Variants in NLGN1 observed in about 807,000 individuals in gnomAD.
The protein encoded by NLGN1 is neuroligin 1.
In NLGN1, 12 loss-of-function variants were observed where a neutral mutation model predicts 65.5. That is an observed-to-expected ratio of 0.18 (90% CI 0.12 to 0.30). NLGN1 has a LOEUF of 0.30. NLGN1 is among the 10% of genes least tolerant of loss of function. The pLI, the probability that NLGN1 is intolerant of heterozygous loss-of-function variation, is 1.00. For missense variants in NLGN1, 750 were observed against 1,007.1 expected, an observed-to-expected ratio of 0.74 and a Z score of 3.46; for synonymous variants, 350 against 359.5, an observed-to-expected ratio of 0.97 and a Z score of 0.30.
At chr3:173,556,921 A>G (rs1291773309) in intron 2 of NLGN1, among the ~76,000 whole-genome samples, 1 of 152,194 alleles carries the variant, frequency 6.6e-6, no homozygotes, top group Non-Finnish European at 1.5e-5. Flanking sequence ...AGATTATGGT[A>G]TATCTTGATA....
chr3:174,272,722 A>AAGAT (rs551020656), intron 4 of NLGN1, among the ~76,000 whole-genome samples: 3 of 148,672 alleles, frequency 2.0e-5, no homozygotes, highest in African/African-American at 4.9e-5. Context: ...GATAGATAGA[A>AAGAT]AGATAGATAG....
At chr3:174,076,220 T>A (rs1013439722) in intron 4 of NLGN1, among the ~76,000 whole-genome samples, 2 of 152,108 alleles carry the variant, frequency 1.3e-5, no homozygotes, top group Non-Finnish European at 2.9e-5. Flanking sequence ...AATTCTAAGT[T>A]TTTGAAATAT....
chr3:173,574,300 A>G (rs923875725), intron 2 of NLGN1, among the ~76,000 whole-genome samples: 2 of 151,920 alleles, frequency 1.3e-5, no homozygotes, highest in African/African-American at 4.8e-5. Context: ...TTTGATAACT[A>G]AAGTATAGTT....
chr3:173,728,255 C>T (rs574730156), intron 3 of NLGN1, among the ~76,000 whole-genome samples: 33 of 151,890 alleles, frequency 2.2e-4, no homozygotes, highest in Non-Finnish European at 4.1e-4. Flanking sequence ...ATGAATAAGA[C>T]GTGGCAAGAC....
intron 4 of NLGN1, among the ~76,000 whole-genome samples, chr3:174,222,209 A>C (rs968174416): frequency 2.6e-5 from 4 of 152,128 alleles, no homozygotes; most frequent in Non-Finnish European, 5.9e-5. Flanking sequence ...ATACACAATC[A>C]TGCGGTCTGT....
chr3:173,690,443 A>G (rs778129543), intron 3 of NLGN1, among the ~76,000 whole-genome samples: 3 of 152,108 alleles, frequency 2.0e-5, no homozygotes, highest in Non-Finnish European at 2.9e-5. Flanking sequence ...AGCTCTTGCT[A>G]TTACCTTCTG....
intron 2 of NLGN1, among the ~76,000 whole-genome samples, chr3:173,526,920 A>G (rs894170386): frequency 8.5e-5 from 13 of 152,236 alleles, no homozygotes; most frequent in African/African-American, 2.9e-4. Flanking sequence ...TGCAAATGTC[A>G]GGATCTCATT....
chr3:173,945,246 A>C (rs1281108974), intron 4 of NLGN1, among the ~76,000 whole-genome samples: 1 of 151,278 alleles, frequency 6.6e-6, no homozygotes, highest in Admixed American at 6.6e-5. Context: ...GGAACCAAAA[A>C]CTCTGCTCTC....
At chr3:173,906,411 A>C (rs112983519) in intron 4 of NLGN1, among the ~76,000 whole-genome samples, 2,539 of 152,284 alleles carry the variant, frequency 0.017, 39 homozygotes, top group Non-Finnish European at 0.023. Context: ...GATAAAACTC[A>C]ATGCCTTATG....
chr3:173,949,945 A>T (rs1266728842), intron 4 of NLGN1, among the ~76,000 whole-genome samples: 1 of 152,170 alleles, frequency 6.6e-6, no homozygotes, highest in African/African-American at 2.4e-5. Context: ...GCTTCAACTG[A>T]GTACTTATTA....
intron 1 of NLGN1, among the ~76,000 whole-genome samples, chr3:173,401,277 T>C (rs1717646447): frequency 6.6e-6 from 1 of 151,248 alleles, no homozygotes; most frequent in African/African-American, 2.4e-5. Flanking sequence ...TTGCCAAATG[T>C]CTCTAAGAGG....
chr3:173,760,783 C>G (rs970932715), intron 3 of NLGN1, among the ~76,000 whole-genome samples: 1 of 151,984 alleles, frequency 6.6e-6, no homozygotes, highest in African/African-American at 2.4e-5. Flanking sequence ...ATATTCTGCC[C>G]TCAGTCACAG....
At chr3:173,514,732 A>G (rs1220236998) in intron 2 of NLGN1, among the ~76,000 whole-genome samples, 2 of 152,048 alleles carry the variant, frequency 1.3e-5, no homozygotes, top group Non-Finnish European at 1.5e-5. Flanking sequence ...TAATTTTAGT[A>G]CCTCATGTAA....
chr3:173,448,275 T>C (rs1204412079), intron 2 of NLGN1, among the ~76,000 whole-genome samples: 1 of 152,126 alleles, frequency 6.6e-6, no homozygotes, highest in Non-Finnish European at 1.5e-5. Context: ...GCTTGAAGAG[T>C]TGTTGAATTT....
intron 4 of NLGN1, among the ~76,000 whole-genome samples, chr3:173,840,213 G>A (rs897152553): frequency 3.9e-5 from 6 of 152,098 alleles, no homozygotes; most frequent in Non-Finnish European, 8.8e-5. Flanking sequence ...TCAAGAAAAA[G>A]GGGACAAAGT....
At chr3:173,904,503 T>G (rs900607755) in intron 4 of NLGN1, among the ~76,000 whole-genome samples, 1 of 151,898 alleles carries the variant, frequency 6.6e-6, no homozygotes, top group African/African-American at 2.4e-5. Flanking sequence ...TATGTGAAGA[T>G]AAAGGGTTTT....
chr3:174,169,650 G>A (rs1728160483), intron 4 of NLGN1, among the ~76,000 whole-genome samples: 1 of 152,090 alleles, frequency 6.6e-6, no homozygotes, highest in South Asian at 2.1e-4. Flanking sequence ...AGTAGAAAGG[G>A]CCTAGCTTCA....
At chr3:173,418,206 AATT>A (rs1714193015) in intron 1 of NLGN1, among the ~76,000 whole-genome samples, 1 of 151,392 alleles carries the variant, frequency 6.6e-6, no homozygotes, top group Admixed American at 6.6e-5. Flanking sequence ...TGGAAGATGT[AATT>A]ATTATAATTT....
chr3:174,166,800 G>T (rs7641678), intron 4 of NLGN1, among the ~76,000 whole-genome samples: 4 of 152,010 alleles, frequency 2.6e-5, no homozygotes, highest in Non-Finnish European at 5.9e-5. Context: ...CCCCACTACT[G>T]TTGTGTTGCT....
Sources: gnomAD v4.1 joint callset for allele counts (sites outside exome capture counted in the v4.1 genomes callset) on GRCh38, gnomAD v4.1.1 for gene constraint, MANE v1.5 for transcripts, NCBI Gene and HGNC (gene_info 2026-07-23, HGNC 2026-07-21) for gene names.